ALK: variants seen among roughly 807,000 people sequenced by gnomAD.
ALK encodes ALK tyrosine kinase receptor.
Under a neutral mutation model 163.1 loss-of-function variants are expected in ALK, and 74 were observed. The ratio of observed to expected loss-of-function variants is 0.45; its 90% CI spans 0.38 to 0.55. ALK has a LOEUF of 0.55. ALK is among the 20% of genes least tolerant of loss of function. The pLI is 0.00. For missense variants in ALK, 2,063 were observed against 2,105.3 expected, an observed-to-expected ratio of 0.98 and a Z score of 0.39; for synonymous variants, 960 against 843.2, an observed-to-expected ratio of 1.14 and a Z score of -2.40.
intron 3 of ALK, among the ~76,000 whole-genome samples, chr2:29,565,892 A>G (rs1251960266): frequency 6.6e-6 from 1 of 152,238 alleles, no homozygotes; most frequent in Non-Finnish European, 1.5e-5. Context: ...AAGAAAAAGA[A>G]GAGAAAAGAA....
chr2:29,388,619 GA>G (rs1264434795), intron 4 of ALK, among the ~76,000 whole-genome samples: 1 of 152,198 alleles, frequency 6.6e-6, no homozygotes, highest in Non-Finnish European at 1.5e-5. Flanking sequence ...GGATTTTTGA[GA>G]AGGATGCATG....
chr2:29,608,219 C>T (rs1486561394), intron 3 of ALK, among the ~76,000 whole-genome samples: 1 of 152,144 alleles, frequency 6.6e-6, no homozygotes, highest in Non-Finnish European at 1.5e-5. Context: ...TTCTTCCTAC[C>T]ACCTATTACC....
At chr2:29,764,144 G>A (rs999718444) in intron 1 of ALK, among the ~76,000 whole-genome samples, 7 of 152,164 alleles carry the variant, frequency 4.6e-5, no homozygotes, top group African/African-American at 1.7e-4. Flanking sequence ...ATCCCCTCAT[G>A]TTACCAGGAT....
intron 5 of ALK, among the ~76,000 whole-genome samples, chr2:29,369,932 C>T (rs76236198): frequency 5.8e-4 from 88 of 152,306 alleles, no homozygotes; most frequent in African/African-American, 2.1e-3. Context: ...AAAAAGGCCA[C>T]ATCAGTGGAA....
chr2:29,521,243 C>T (rs190085606), intron 4 of ALK, among the ~76,000 whole-genome samples: 5 of 152,274 alleles, frequency 3.3e-5, no homozygotes, highest in Admixed American at 3.3e-4. Flanking sequence ...GGTGAGTGAT[C>T]TGAAGAAACA....
At chr2:29,330,087 C>A (rs1667395154) in intron 5 of ALK, among the ~76,000 whole-genome samples, 1 of 152,206 alleles carries the variant, frequency 6.6e-6, no homozygotes, top group Non-Finnish European at 1.5e-5. Context: ...GCATTGTCCA[C>A]CCTGCCTCCT....
chr2:29,863,436 C>A (rs1666345825), intron 1 of ALK, among the ~76,000 whole-genome samples: 1 of 151,964 alleles, frequency 6.6e-6, no homozygotes, highest in South Asian at 2.1e-4. Context: ...AAGAAAATGA[C>A]CCAATTTAAA....
At chr2:29,600,065 A>C (rs1415643920) in intron 3 of ALK, among the ~76,000 whole-genome samples, 1 of 152,184 alleles carries the variant, frequency 6.6e-6, no homozygotes, top group Non-Finnish European at 1.5e-5. Context: ...TCAGATCCAC[A>C]TCACCCATCC....
At chr2:29,859,882 T>C (rs1044064405) in intron 1 of ALK, among the ~76,000 whole-genome samples, 1 of 152,214 alleles carries the variant, frequency 6.6e-6, no homozygotes, top group African/African-American at 2.4e-5. Context: ...TTGACAATCA[T>C]GTTCCTGGTT....
At chr2:29,220,094 T>C (rs375857214) in intron 23 of ALK, among the ~76,000 whole-genome samples, 17 of 152,290 alleles carry the variant, frequency 1.1e-4, no homozygotes, top group Non-Finnish European at 2.5e-4. Context: ...ATCCAGGCTA[T>C]AGAATGTGGA....
chr2:29,292,919 G>A (rs1355498351), intron 9 of ALK, among the ~76,000 whole-genome samples: 1 of 152,118 alleles, frequency 6.6e-6, no homozygotes, highest in East Asian at 1.9e-4. Context: ...GTGTGGTGGG[G>A]GCAATCTGAC....
At chr2:29,697,927 G>A (rs1182634640) in intron 2 of ALK, among the ~76,000 whole-genome samples, 2 of 152,226 alleles carry the variant, frequency 1.3e-5, no homozygotes, top group Non-Finnish European at 2.9e-5. Context: ...AGCTGGCCCT[G>A]CTGCAGAGTG....
chr2:29,626,505 T>G (rs1676199019), intron 3 of ALK, among the ~76,000 whole-genome samples: 1 of 152,350 alleles, frequency 6.6e-6, no homozygotes, highest in South Asian at 2.1e-4. Flanking sequence ...TGTGGAACTG[T>G]GAGTCCATTA....
At chr2:29,531,660 C>A (rs866377877) in intron 4 of ALK, among the ~76,000 whole-genome samples, 4 of 152,092 alleles carry the variant, frequency 2.6e-5, no homozygotes, top group Admixed American at 2.0e-4. Flanking sequence ...TCTTTAACAC[C>A]CACTCATGAA....
At chr2:29,375,601 G>A (rs935723069) in intron 5 of ALK, among the ~76,000 whole-genome samples, 2 of 152,174 alleles carry the variant, frequency 1.3e-5, no homozygotes, top group Non-Finnish European at 2.9e-5. Flanking sequence ...ACAGGTGTGA[G>A]CCACTGCGCC....
intron 8 of ALK, 99 bp downstream of exon 8, chr2:29,318,205 G>T: frequency 1.0e-6 from 1 of 986,300 alleles, no homozygotes; most frequent in South Asian, 1.3e-5. Context: ...CCAGGAGAAC[G>T]ACCAGCCCAG....
chr2:29,677,496 T>C (rs1466109047), intron 3 of ALK, among the ~76,000 whole-genome samples: 1 of 152,056 alleles, frequency 6.6e-6, no homozygotes, highest in Non-Finnish European at 1.5e-5. Flanking sequence ...CATGAGTGGA[T>C]GTTGGATTCT....
At chr2:29,405,469 T>C (rs780557788) in intron 4 of ALK, among the ~76,000 whole-genome samples, 5 of 152,150 alleles carry the variant, frequency 3.3e-5, no homozygotes, top group Non-Finnish European at 7.3e-5. Flanking sequence ...ACATGTTTCA[T>C]GCTGGGGTGA....
chr2:29,335,906 C>T lies in ALK; in HGVS notation c.1283-7425G>A, dbSNP rs1301828202. On this transcript the variant is annotated intron_variant, in intron 5 of 28. Transcript: ENST00000389048. ...AATACAAAAATTAGCTGGGCGTGGT[C>T]ATGGACACCTGTAATCACAGCTACT... is the stretch of plus-strand genomic sequence containing the variant. Among the ~76,000 whole-genome samples, 4 of 151,896 alleles carry T rather than the reference C, an allele frequency of 2.6e-5. No homozygotes were observed. In the East Asian group the frequency reaches 7.7e-4, roughly 29 times the overall value.
Sources: allele counts gnomAD v4.1 joint callset (sites outside exome capture counted in the v4.1 genomes callset), GRCh38; gene constraint gnomAD v4.1.1; transcripts MANE v1.5; gene names NCBI Gene and HGNC (gene_info 2026-07-23, HGNC 2026-07-21).